Variants in NBEA observed in about 807,000 individuals in gnomAD.
NBEA encodes the protein lysosomal-trafficking regulator 2.
Under a neutral mutation model 343.4 loss-of-function variants are expected in NBEA, and 44 were observed. The observed-to-expected ratio is 0.13, with a 90% confidence interval of 0.10 to 0.16. The LOEUF is 0.16. Among genes scored for constraint, NBEA ranks in the 10% least tolerant of loss-of-function variants. The pLI is 1.00. For missense variants in NBEA, 2,555 were observed against 3,631.3 expected, an observed-to-expected ratio of 0.70 and a Z score of 7.62; for synonymous variants, 1,175 against 1,238.7, an observed-to-expected ratio of 0.95 and a Z score of 1.08.
intron 45 of NBEA, among the ~76,000 whole-genome samples, chr13:35,571,320 A>C (rs758403157): frequency 1.1e-4 from 17 of 152,222 alleles, no homozygotes; most frequent in Non-Finnish European, 4.4e-5. Flanking sequence ...AAAGTTTCAG[A>C]AAACACAGCT....
chr13:35,314,461 T>C (rs1371759430), intron 36 of NBEA, among the ~76,000 whole-genome samples: 1 of 152,144 alleles, frequency 6.6e-6, no homozygotes, highest in Non-Finnish European at 1.5e-5. Flanking sequence ...TTCCTACCCC[T>C]AATCTGGATT....
At chr13:35,621,805 A>C (rs2083005817) in intron 48 of NBEA, among the ~76,000 whole-genome samples, 1 of 152,164 alleles carries the variant, frequency 6.6e-6, no homozygotes, top group South Asian at 2.1e-4. Context: ...TTATTATCCA[A>C]TGATAGGTTA....
intron 10 of NBEA, 30 bp downstream of exon 10, chr13:35,070,882 G>A: frequency 6.2e-7 from 1 of 1,607,202 alleles, no homozygotes; most frequent in Non-Finnish European, 8.5e-7. Flanking sequence ...ACAATTGCTG[G>A]TATTTTATAC....
chr13:35,327,820 A>T (rs1566623944), intron 36 of NBEA, among the ~76,000 whole-genome samples: 1 of 152,008 alleles, frequency 6.6e-6, no homozygotes, highest in Non-Finnish European at 1.5e-5. Flanking sequence ...TGAATATTCC[A>T]CATCAACAGA....
rs28839553 is a variant in NBEA, at chr13:35,088,990, T to G, written c.1572-9307T>G. 5.5e-3 allele frequency among the ~76,000 whole-genome samples: 705 copies of G among 127,166 alleles called. 3 individuals are homozygous for G. Among genetic ancestry groups the G allele is most frequent in the African/African-American group, 0.02 (673 of 33,650 alleles). 83.4% of individuals were successfully genotyped at this position (127,166 alleles called of 152,430 possible). On this transcript the variant is annotated intron_variant, in intron 10 of 58. Transcript: ENST00000379939. ...AACCTAGGCATTACCATTCAGGACA[T>G]AGGCATGGGCAAGGACTTCATGTCC... is the stretch of plus-strand genomic sequence containing the variant.
intron 33 of NBEA, among the ~76,000 whole-genome samples, chr13:35,227,262 G>A (rs1286328715): frequency 6.6e-6 from 1 of 151,868 alleles, no homozygotes; most frequent in Admixed American, 6.6e-5. Flanking sequence ...TTACTCATCA[G>A]CTATTTTAGT....
At position 35,352,391 on chromosome 13, in the gene NBEA, TG is replaced by T. The variant is rs2040242744; in HGVS notation, c.6179+70del. Reference sequence around the variant, plus strand: ...ATTATAATAGTTGGTAATAAAAATATGGCTACAAATTTAAAAGTCATTTAGA... The same window carrying T: ...ATTATAATAGTTGGTAATAAAAATATGCTACAAATTTAAAAGTCATTTAGA... On this transcript the variant is annotated intron_variant, in intron 38 of 58. Coordinates refer to ENST00000379939, the MANE Select transcript of NBEA (RefSeq NM_001385012.1). 7.2e-6 allele frequency: 6 copies of T among 837,668 alleles called. No homozygotes were observed. In the South Asian group the frequency reaches 2.4e-4, roughly 33 times the overall value. The allele number at this position is 837,668 out of a possible 1,614,324, so 51.9% of individuals were successfully genotyped here.
chr13:35,415,494 C>G (rs964086376), intron 38 of NBEA, among the ~76,000 whole-genome samples: 3 of 152,124 alleles, frequency 2.0e-5, no homozygotes, highest in Admixed American at 6.5e-5. Context: ...ATAGGGAATC[C>G]TTTCCCCATT....
chr13:35,052,365 AGCATG>A (rs1408816277), intron 6 of NBEA, among the ~76,000 whole-genome samples: 1 of 152,034 alleles, frequency 6.6e-6, no homozygotes, highest in Non-Finnish European at 1.5e-5. Context: ...ATAAACCATT[AGCATG>A]TTACCTAATG....
chr13:35,618,878 G>A (rs1178478861), intron 48 of NBEA, among the ~76,000 whole-genome samples: 3 of 151,824 alleles, frequency 2.0e-5, no homozygotes, highest in Admixed American at 6.6e-5. Context: ...ATCTCATCTC[G>A]CCCTCAGCCC....
At chr13:35,606,861 T>C (rs1172730641) in intron 48 of NBEA, among the ~76,000 whole-genome samples, 2 of 152,200 alleles carry the variant, frequency 1.3e-5, no homozygotes, top group Non-Finnish European at 2.9e-5. Flanking sequence ...TTGACTAATA[T>C]AATGTATTCT....
At chr13:35,497,414 A>G (rs193175062) in intron 41 of NBEA, among the ~76,000 whole-genome samples, 36 of 152,276 alleles carry the variant, frequency 2.4e-4, no homozygotes, top group Admixed American at 3.9e-4. Flanking sequence ...ATATTCTCTC[A>G]GAACATAAAT....
At chr13:35,628,300 C>G in intron 49 of NBEA, 52 bp downstream of exon 49, 1 of 1,259,608 alleles carries the variant, frequency 7.9e-7, no homozygotes. Context: ...CTCTCAAACA[C>G]AAATTTGACA....
At chr13:35,254,917 T>G (rs2032413836) in intron 34 of NBEA, among the ~76,000 whole-genome samples, 1 of 152,144 alleles carries the variant, frequency 6.6e-6, no homozygotes, top group Non-Finnish European at 1.5e-5. Flanking sequence ...TAATATAAAA[T>G]TATTTTGAAG....
At chr13:35,585,750 A>G (rs772841863) in intron 46 of NBEA, among the ~76,000 whole-genome samples, 5 of 152,018 alleles carry the variant, frequency 3.3e-5, no homozygotes, top group Non-Finnish European at 7.4e-5. Flanking sequence ...CTGTGGTTAA[A>G]TGCCGTGATT....
chr13:35,383,982 A>G (rs1049278362), intron 38 of NBEA, among the ~76,000 whole-genome samples: 4 of 152,080 alleles, frequency 2.6e-5, no homozygotes, highest in Middle Eastern at 3.2e-3. Flanking sequence ...CTGGCTGGCC[A>G]AAAGAGAGTC....
At chr13:35,281,766 A>C (rs2152811640) in intron 34 of NBEA, among the ~76,000 whole-genome samples, 1 of 152,244 alleles carries the variant, frequency 6.6e-6, no homozygotes. Context: ...AAATTTATTT[A>C]AATTTGTGAA....
intron 1 of NBEA, among the ~76,000 whole-genome samples, chr13:34,989,384 C>G (rs1019298360): frequency 1.3e-5 from 2 of 150,860 alleles, no homozygotes; most frequent in Admixed American, 1.3e-4. Flanking sequence ...TACAGGAAGC[C>G]TGGCTGGGGA....
chr13:35,616,837 C>G (rs2082759665), intron 48 of NBEA, among the ~76,000 whole-genome samples: 1 of 152,176 alleles, frequency 6.6e-6, no homozygotes, highest in South Asian at 2.1e-4. Context: ...TACTTCTTAC[C>G]TGTTATAACT....
Sources: gnomAD v4.1 joint callset for allele counts (sites outside exome capture counted in the v4.1 genomes callset) on GRCh38, gnomAD v4.1.1 for gene constraint, MANE v1.5 for transcripts, NCBI Gene and HGNC (gene_info 2026-07-23, HGNC 2026-07-21) for gene names.